Variants in AAGAB observed in about 807,000 individuals in gnomAD.
AAGAB encodes alpha- and gamma-adaptin-binding protein p34.
AAGAB carries 38 observed loss-of-function variants against 44.1 expected under a neutral mutation model. That is an observed-to-expected ratio of 0.86 (90% confidence interval 0.67 to 1.13). The LOEUF (loss-of-function observed/expected upper bound fraction) is 1.13. Among genes scored for constraint, AAGAB ranks in the 50% most tolerant of loss-of-function variants. The pLI is 0.00. For missense variants in AAGAB, 450 were observed against 373.8 expected, an observed-to-expected ratio of 1.20 and a Z score of -1.68; for synonymous variants, 131 against 131.8, an observed-to-expected ratio of 0.99 and a Z score of 0.04.
chr15:67,202,568 G>C lies in AAGAB; in HGVS notation c.*253C>G, dbSNP rs1382209451. Reference sequence around the variant, plus strand: ...GAGATTTATCCTACCCTCATTCCTAGAACAAAAAAAAAGTATATTTAAGAA... The same window carrying C: ...GAGATTTATCCTACCCTCATTCCTACAACAAAAAAAAAGTATATTTAAGAA... On this transcript the variant is annotated 3_prime_UTR_variant, in exon 10 of 10. Coordinates refer to ENST00000261880, the MANE Select transcript of AAGAB (RefSeq NM_024666.5). The C allele has an allele frequency of 8.6e-6, 4 of 463,700 alleles. No homozygotes were observed. Among genetic ancestry groups the C allele is most frequent in the Non-Finnish European group, 1.5e-5 (4 of 259,260 alleles). The allele number at this position is 463,700 out of a possible 1,614,324, so 28.7% of individuals were successfully genotyped here. A position where few individuals can be genotyped will look rare whatever the true frequency, so the allele number is the denominator to read the frequency against.
chr15:67,226,669 A>C (rs1189515687), intron 5 of AAGAB: 1 of 152,332 alleles, frequency 6.6e-6, no homozygotes, highest in African/African-American at 2.4e-5. Flanking sequence ...GAACATTTTT[A>C]ATTTTGATGA....
At chr15:67,212,685 C>T (rs960981203) in intron 5 of AAGAB, among the ~76,000 whole-genome samples, 6 of 152,138 alleles carry the variant, frequency 3.9e-5, no homozygotes, top group Admixed American at 6.5e-5. Flanking sequence ...ATTGACACAA[C>T]GAGAAAAACA....
chr15:67,229,587 A>G (rs1318490938), intron 5 of AAGAB, among the ~76,000 whole-genome samples: 1 of 152,114 alleles, frequency 6.6e-6, no homozygotes, highest in Non-Finnish European at 1.5e-5. Flanking sequence ...CCTAGAAAGA[A>G]AAAAGGAGGA....
intron 5 of AAGAB, among the ~76,000 whole-genome samples, chr15:67,223,622 T>C (rs1567021542): frequency 6.6e-6 from 1 of 152,152 alleles, no homozygotes; most frequent in Non-Finnish European, 1.5e-5. Context: ...CCCTAAGAGA[T>C]CTTGGTTGCT....
At chr15:67,230,587 C>T (rs2140371526) in intron 5 of AAGAB, among the ~76,000 whole-genome samples, 1 of 152,294 alleles carries the variant, frequency 6.6e-6, no homozygotes, top group South Asian at 2.1e-4. Flanking sequence ...CATGGCCCTG[C>T]CAACACCCTG....
At chr15:67,222,240 GCGCACACACA>G (rs1235331885) in intron 5 of AAGAB, among the ~76,000 whole-genome samples, 1,301 of 88,252 alleles carry the variant, frequency 0.015, 14 homozygotes, top group African/African-American at 0.023. Context: ...ACGCGCGCGC[GCGCACACACA>G]CACACACACA....
chr15:67,221,714 C>T (rs1279418412), intron 5 of AAGAB, among the ~76,000 whole-genome samples: 6 of 152,190 alleles, frequency 3.9e-5, no homozygotes, highest in South Asian at 2.1e-4. Context: ...TTGAGAATCA[C>T]TAGATTAAAT....
chr15:67,241,355 C>T (rs1187538577), intron 1 of AAGAB, among the ~76,000 whole-genome samples: 1 of 152,184 alleles, frequency 6.6e-6, no homozygotes, highest in Non-Finnish European at 1.5e-5. Flanking sequence ...CAAGATGATC[C>T]TTCCGGAAAC....
intron 3 of AAGAB, 126 bp downstream of exon 3, chr15:67,236,282 A>G: frequency 1.9e-6 from 2 of 1,026,974 alleles, no homozygotes; most frequent in Non-Finnish European, 2.9e-6. Context: ...AAAATAGCTG[A>G]AAATATTTTC....
chr15:67,216,648 A>G (rs779809435), intron 5 of AAGAB, among the ~76,000 whole-genome samples: 6 of 151,784 alleles, frequency 4.0e-5, no homozygotes, highest in African/African-American at 7.3e-5. Context: ...TCTAATTCCA[A>G]TAATAGTTCC....
rs912358276 is a variant in AAGAB at position 67,254,491 on chromosome 15, G to C, written c.73+68C>G. The stretch of plus-strand genomic sequence containing the variant: ...CGGGGACAAGGCCCAGAGAGGCCGT[G>C]GTGCTGGGTCCGTCGCCCGCTGAGG... On this transcript the variant is annotated intron_variant, in intron 1 of 9. Coordinates refer to ENST00000261880, the MANE Select transcript of AAGAB (RefSeq NM_024666.5). 4 of 1,521,862 alleles carry C rather than the reference G, an allele frequency of 2.6e-6. 1 individual carries two copies. In the South Asian group the frequency reaches 3.6e-5, roughly 14 times the overall value. The allele number at this position is 1,521,862 out of a possible 1,614,324, so 94.3% of individuals were successfully genotyped here.
At position 67,236,469 on chromosome 15, in the gene AAGAB, T is replaced by C; in HGVS notation, c.300A>G (p.Pro100=). ...CCTCAGGTAACCATGCTTTTGCCAGTGGAAGCCATGAGGAGACACTATCAA... is the reference window on the plus strand; with the variant it reads ...CCTCAGGTAACCATGCTTTTGCCAGCGGAAGCCATGAGGAGACACTATCAA... ...SGLDSVSSWL[P]LAKAWLPEVM... Residue 100 remains proline (P), a synonymous_variant, in exon 3 of 10, where the codon CCA becomes CCG. Coordinates refer to ENST00000261880, the MANE Select transcript of AAGAB (RefSeq NM_024666.5). The C allele has an allele frequency of 1.2e-6, 2 of 1,614,094 alleles. No individual in the cohort carries two copies. Among genetic ancestry groups the C allele is most frequent in the Admixed American group, 1.7e-5 (1 of 60,026 alleles).
At chr15:67,221,936 C>T (rs1416746408) in intron 5 of AAGAB, among the ~76,000 whole-genome samples, 1 of 152,030 alleles carries the variant, frequency 6.6e-6, no homozygotes, top group Non-Finnish European at 1.5e-5. Flanking sequence ...TTATTATTAC[C>T]AATAACCACA....
chr15:67,251,218 GTGTGTGTGTGTGTGTGTC>G (rs1341984166), intron 1 of AAGAB, among the ~76,000 whole-genome samples: 2 of 143,170 alleles, frequency 1.4e-5, no homozygotes, highest in South Asian at 2.3e-4. Flanking sequence ...TTAAGTGCGT[GTGTGTGTGTGTGTGTGTC>G]TGTGTGTGTG....
At chr15:67,208,072 T>A (rs1412951753) in intron 7 of AAGAB, among the ~76,000 whole-genome samples, 3 of 152,366 alleles carry the variant, frequency 2.0e-5, no homozygotes, top group African/African-American at 7.2e-5. Context: ...CATACTGGAT[T>A]CCAGCTTCAG....
rs1020003780 is a variant in AAGAB at position 67,202,552 on chromosome 15, C to T, written c.*269G>A. 1.7e-5 allele frequency: 7 copies of T among 420,958 alleles called. No individual in the cohort carries two copies. The Admixed American group carries it at 1.9e-4, about 11-fold the overall frequency. The allele number at this position is 420,958 out of a possible 1,614,324, so 26.1% of individuals were successfully genotyped here. On this transcript the variant is annotated 3_prime_UTR_variant, in exon 10 of 10. Coordinates refer to ENST00000261880, the MANE Select transcript of AAGAB (RefSeq NM_024666.5). ...AATCACACAGACCTCTGAGATTTAT[C>T]CTACCCTCATTCCTAGAACAAAAAA...
intron 4 of AAGAB, chr15:67,232,854 A>ATGT (rs1964372875): frequency 5.6e-6 from 1 of 178,414 alleles, no homozygotes; most frequent in East Asian, 1.5e-4. Flanking sequence ...TGCTGCAAGG[A>ATGT]TGTTATCAGT....
At chr15:67,204,968 C>T (rs925650383) in intron 7 of AAGAB, among the ~76,000 whole-genome samples, 1 of 152,218 alleles carries the variant, frequency 6.6e-6, no homozygotes, top group Non-Finnish European at 1.5e-5. Flanking sequence ...AGTACTACTA[C>T]CATAAGAGAG....
rs1555421181 is a variant in AAGAB at position 67,251,228 on chromosome 15, G to GTGTGTC, written c.73+3330_73+3331insGACACA. On this transcript the variant is annotated intron_variant, in intron 1 of 9. Transcript: ENST00000261880. The stretch of plus-strand genomic sequence containing the variant: ...TTATTTTAAGTGCGTGTGTGTGTGT[G>GTGTGTC]TGTGTGTCTGTGTGTGTGTGTGTGT... Among the ~76,000 whole-genome samples, 347 of 143,826 alleles carry GTGTGTC rather than the reference G, an allele frequency of 2.4e-3. 1 individual carries two copies. Among genetic ancestry groups the GTGTGTC allele is most frequent in the African/African-American group, 8.5e-3 (338 of 39,732 alleles). 94.4% of individuals were successfully genotyped at this position (143,826 alleles called of 152,430 possible).
Sources: allele counts gnomAD v4.1 joint callset (sites outside exome capture counted in the v4.1 genomes callset), GRCh38; gene constraint gnomAD v4.1.1; transcripts MANE v1.5; gene names NCBI Gene and HGNC (gene_info 2026-07-23, HGNC 2026-07-21).